Variants in AKAP13 observed in about 807,000 individuals in gnomAD.
The protein encoded by AKAP13 is A-kinase anchor protein 13.
Under a neutral mutation model 264.5 loss-of-function variants are expected in AKAP13, and 80 were observed. The observed-to-expected ratio is 0.30, with a 90% CI of 0.25 to 0.36. AKAP13 has a LOEUF of 0.36. Among genes scored for constraint, AKAP13 ranks in the 10% least tolerant of loss-of-function variants. The pLI, the probability that AKAP13 is intolerant of heterozygous loss-of-function variation, is 1.00. For synonymous variants in AKAP13, 1,380 were observed against 1,250.2 expected (o/e 1.10, Z -2.19); for missense variants, 3,712 against 3,435.2 (o/e 1.08, Z -2.01).
chr15:85,535,539 T>A (rs551135879), intron 4 of AKAP13: 1 of 152,346 alleles, frequency 6.6e-6, no homozygotes, highest in South Asian at 2.1e-4. Flanking sequence ...TATATAAACC[T>A]GGTGATGGGC....
chr15:85,384,429 T>C (rs2070448686), intron 1 of AKAP13, among the ~76,000 whole-genome samples: 1 of 152,108 alleles, frequency 6.6e-6, no homozygotes, highest in Non-Finnish European at 1.5e-5. Flanking sequence ...AGAAAGTTTG[T>C]TTCATAGCCT....
intron 1 of AKAP13, among the ~76,000 whole-genome samples, chr15:85,471,079 G>C (rs1220644792): frequency 6.6e-6 from 1 of 152,202 alleles, no homozygotes; most frequent in African/African-American, 2.4e-5. Flanking sequence ...GGAGGAAGCT[G>C]AGATTTTCTA....
rs1230405782 is a variant in AKAP13 at position 85,544,358 on chromosome 15, AAGAGTT to A, written c.662+405_662+410del. Reference sequence around the variant, plus strand: ...TTTCTGGTATGTCTTTAAGACTTGAAAGAGTTAATTAGAAACCAGTACTTCCATATT... The same window carrying A: ...TTTCTGGTATGTCTTTAAGACTTGAAAATTAGAAACCAGTACTTCCATATT... On this transcript the variant is annotated intron_variant, in intron 5 of 36. Transcript: ENST00000394518. Among the ~76,000 whole-genome samples, 3 of 152,242 alleles carry A rather than the reference AAGAGTT, an allele frequency of 2.0e-5. No homozygotes were observed. In the East Asian group the frequency reaches 5.8e-4, roughly 29 times the overall value.
intron 16 of AKAP13, chr15:85,691,989 C>T (rs1221115425): frequency 2.4e-6 from 1 of 417,104 alleles, no homozygotes; most frequent in African/African-American, 2.1e-5. Flanking sequence ...GACTTCCTTT[C>T]CCTGGAACCC....
rs1159926126 is a variant in AKAP13 at position 85,544,228 on chromosome 15, A to G, written c.662+273A>G. ...TCTTATATTTTACTATTTTACTCAAAAGTCAGAATGAGCCTTGTCTGTGGA... is the reference window on the plus strand; with the variant it reads ...TCTTATATTTTACTATTTTACTCAAGAGTCAGAATGAGCCTTGTCTGTGGA... On this transcript the variant is annotated intron_variant, in intron 5 of 36. Transcript: ENST00000394518. The G allele has an allele frequency of 1.6e-5, 9 of 550,438 alleles. No homozygotes were observed. The East Asian group carries it at 2.9e-4, about 18-fold the overall frequency. 34.1% of individuals were successfully genotyped at this position (550,438 alleles called of 1,614,324 possible).
At position 85,741,176 on chromosome 15, in the gene AKAP13, A is replaced by G. The variant is rs2088943511; in HGVS notation, c.7739A>G (p.Gln2580Arg). The change falls in exon 35 of 37, where the codon CAG (glutamine) becomes CGG (arginine). Residue 2580 changes from glutamine (Q) to arginine (R), a missense_variant. Transcript: ENST00000394518. ...GAGAAGCAGCGCAGCCTGGAGAAGC[A>G]GCGCCAGGACCTGGCCAACCTGCAG... Reference protein sequence around the residue: ...EQEKQRSLEKQRQDLANLQKQ... With the variant: ...EQEKQRSLEKRRQDLANLQKQ... 1 of 1,612,454 alleles carries G rather than the reference A, an allele frequency of 6.2e-7. No homozygotes were observed.
intron 14 of AKAP13, among the ~76,000 whole-genome samples, chr15:85,672,537 C>T (rs2083987445): frequency 6.6e-6 from 1 of 152,204 alleles, no homozygotes; most frequent in African/African-American, 2.4e-5. Context: ...AAATACTCAG[C>T]ATGATTCATC....
At position 85,575,263 on chromosome 15, in the gene AKAP13, C is replaced by T. The variant is rs150917597; in HGVS notation, c.795C>T (p.His265=). ...LTSESDSHHE[H]PFPGDGCTGP... ...CTGAGTCTGATTCACATCATGAACACCCATTTCCTGGAGACGGTTGCACTG... is the reference window on the plus strand; with the variant it reads ...CTGAGTCTGATTCACATCATGAACATCCATTTCCTGGAGACGGTTGCACTG... Residue 265 remains histidine, a synonymous_variant, in exon 6 of 37, where the codon CAC becomes CAT. Transcript: ENST00000394518. 61 of 1,614,036 alleles carry T rather than the reference C, an allele frequency of 3.8e-5. No individual in the cohort carries two copies. Among genetic ancestry groups the T allele is most frequent in the Non-Finnish European group, 5.2e-5 (61 of 1,180,026 alleles).
At chr15:85,699,307 G>A (rs1567201876) in intron 17 of AKAP13, among the ~76,000 whole-genome samples, 1 of 151,900 alleles carries the variant, frequency 6.6e-6, no homozygotes, top group Non-Finnish European at 1.5e-5. Context: ...AGCTGGGCGT[G>A]GTGGTGCATG....
intron 27 of AKAP13, 65 bp downstream of exon 27, chr15:85,726,551 A>G (rs2151740599): frequency 1.5e-6 from 2 of 1,374,588 alleles, no homozygotes; most frequent in African/African-American, 2.9e-5. Context: ...GAATGTAAGC[A>G]CTATGTTATT....
chr15:85,591,440 C>G (rs1259908205), intron 8 of AKAP13, among the ~76,000 whole-genome samples: 1 of 152,110 alleles, frequency 6.6e-6, no homozygotes, highest in African/African-American at 2.4e-5. Context: ...AGCTGATATA[C>G]TTTAAGTCTC....
intron 16 of AKAP13, chr15:85,685,564 A>C (rs1400108876): frequency 6.6e-6 from 1 of 152,028 alleles, no homozygotes; most frequent in Non-Finnish European, 1.5e-5. Flanking sequence ...AGCTCACTGC[A>C]GTCTTGAACT....
chr15:85,729,097 G>A (rs948323161), intron 29 of AKAP13, among the ~76,000 whole-genome samples: 4 of 151,998 alleles, frequency 2.6e-5, no homozygotes, highest in South Asian at 4.2e-4. Context: ...TCAGGAGTTC[G>A]AGACCAGCCT....
At chr15:85,723,375 C>T in intron 26 of AKAP13, 55 bp downstream of exon 26, 1 of 1,583,572 alleles carries the variant, frequency 6.3e-7, no homozygotes, top group Admixed American at 1.8e-5. Context: ...AGGCAAAAAT[C>T]CAAGTGCTTT....
chr15:85,742,584 C>T (rs561159964), intron 35 of AKAP13, among the ~76,000 whole-genome samples: 52 of 152,238 alleles, frequency 3.4e-4, no homozygotes, highest in African/African-American at 1.2e-3. Context: ...ATTTGCCTCT[C>T]TACTGCTGAT....
At chr15:85,642,375 A>C (rs937815137) in intron 9 of AKAP13, among the ~76,000 whole-genome samples, 7 of 152,338 alleles carry the variant, frequency 4.6e-5, no homozygotes, top group Admixed American at 3.3e-4. Context: ...AGTCTAACTA[A>C]AAAACCAGAG....
chr15:85,419,705 A>G (rs1354531891), intron 1 of AKAP13, among the ~76,000 whole-genome samples: 1 of 152,152 alleles, frequency 6.6e-6, no homozygotes, highest in African/African-American at 2.4e-5. Flanking sequence ...AGCTTTTTTT[A>G]AAAAGCTTGA....
chr15:85,632,752 A>G (rs1398812546), intron 8 of AKAP13, among the ~76,000 whole-genome samples: 1 of 152,262 alleles, frequency 6.6e-6, no homozygotes, highest in Non-Finnish European at 1.5e-5. Flanking sequence ...AAATGACAGG[A>G]AAAGTATAGA....
intron 1 of AKAP13, among the ~76,000 whole-genome samples, chr15:85,394,463 A>G (rs962691246): frequency 2.0e-5 from 3 of 152,168 alleles, no homozygotes; most frequent in Admixed American, 1.3e-4. Flanking sequence ...GAAGGCCAGG[A>G]TGTTGTTGGA....
Sources: gnomAD v4.1 joint callset for allele counts (sites outside exome capture counted in the v4.1 genomes callset) on GRCh38, gnomAD v4.1.1 for gene constraint, MANE v1.5 for transcripts, NCBI Gene and HGNC (gene_info 2026-07-23, HGNC 2026-07-21) for gene names.